CSMD1: variants seen among roughly 807,000 people sequenced by gnomAD.
CSMD1 encodes the protein CUB and sushi domain-containing protein 1.
In CSMD1, 213 loss-of-function variants were observed where a neutral mutation model predicts 417.5. The ratio of observed to expected loss-of-function variants is 0.51; its 90% CI spans 0.46 to 0.57. CSMD1 has a LOEUF of 0.57. Ranked by LOEUF, CSMD1 falls within the 20% of genes least tolerant of loss-of-function variation. CSMD1 has a pLI of 0.00. For missense variants in CSMD1, 6,923 were observed against 4,529.7 expected (o/e 1.53, Z -15.17); for synonymous variants, 2,862 against 1,736.8 (o/e 1.65, Z -16.11).
At chr8:3,722,824 G>A (rs1293991644) in intron 6 of CSMD1, among the ~76,000 whole-genome samples, 2 of 152,164 alleles carry the variant, frequency 1.3e-5, no homozygotes, top group African/African-American at 2.4e-5. Flanking sequence ...TGGTCTTGAG[G>A]AAAAATATGT....
chr8:4,497,821 G>A (rs1217543), intron 2 of CSMD1, among the ~76,000 whole-genome samples: 116,469 of 152,120 alleles, frequency 0.77, 44,674 homozygotes, highest in East Asian at 0.85. Context: ...CAGCTGTCCA[G>A]AATCAACGGT....
chr8:4,121,346 C>T (rs1164147980), intron 3 of CSMD1, among the ~76,000 whole-genome samples: 3 of 152,066 alleles, frequency 2.0e-5, no homozygotes, highest in Non-Finnish European at 4.4e-5. Context: ...AACTCCTGAC[C>T]TCAGATGATC....
At chr8:4,340,119 A>C (rs1212340171) in intron 3 of CSMD1, among the ~76,000 whole-genome samples, 1 of 151,964 alleles carries the variant, frequency 6.6e-6, no homozygotes, top group Non-Finnish European at 1.5e-5. Context: ...AGTTTTGTTA[A>C]TCTCTCCTCT....
chr8:4,940,160 G>A (rs761515163), intron 1 of CSMD1, among the ~76,000 whole-genome samples: 1 of 152,072 alleles, frequency 6.6e-6, no homozygotes, highest in Non-Finnish European at 1.5e-5. Flanking sequence ...GGGGAGTGTG[G>A]GAAGCAAGAT....
rs1047316590 is a variant in CSMD1, at chr8:3,669,728, G to C, written c.1009+38686C>G. On this transcript the variant is annotated intron_variant, in intron 7 of 69. Transcript: ENST00000635120. Reference sequence around the variant, plus strand: ...AACTGGGTACAAAGAGGAAGGCCAGGAGGACAGGGGCCCTGACCTGGCTAA... The same window carrying C: ...AACTGGGTACAAAGAGGAAGGCCAGCAGGACAGGGGCCCTGACCTGGCTAA... Among the ~76,000 whole-genome samples, 4 of 152,038 alleles carry C rather than the reference G, an allele frequency of 2.6e-5. No individual in the cohort carries two copies. In the South Asian group the frequency reaches 8.3e-4, roughly 32 times the overall value.
chr8:4,201,740 T>C (rs184429986), intron 3 of CSMD1, among the ~76,000 whole-genome samples: 3 of 152,040 alleles, frequency 2.0e-5, no homozygotes, highest in African/African-American at 7.2e-5. Context: ...AACATGATGA[T>C]TGGATACATG....
intron 41 of CSMD1, among the ~76,000 whole-genome samples, chr8:3,140,339 CTCTCTCTCTG>C (rs1315412245): frequency 2.4e-5 from 3 of 124,800 alleles, no homozygotes; most frequent in Admixed American, 2.4e-4. Context: ...CTCTCTCTCT[CTCTCTCTCTG>C]TCTCTCTCTC....
intron 41 of CSMD1, among the ~76,000 whole-genome samples, chr8:3,130,334 T>A (rs1817727882): frequency 6.6e-6 from 1 of 152,044 alleles, no homozygotes; most frequent in African/African-American, 2.4e-5. Context: ...TTGTACGTCG[T>A]GCATACAGCC....
intron 36 of CSMD1, chr8:3,183,253 C>T (rs1048601986): frequency 9.0e-6 from 1 of 111,342 alleles, no homozygotes; most frequent in East Asian, 2.4e-4. Flanking sequence ...GGCATCCATC[C>T]ACGTCACAAA....
chr8:3,687,955 T>C (rs1372622623), intron 7 of CSMD1, among the ~76,000 whole-genome samples: 1 of 152,222 alleles, frequency 6.6e-6, no homozygotes, highest in Non-Finnish European at 1.5e-5. Context: ...CTTTGTTTCC[T>C]TTTCCATCAT....
chr8:3,590,575 T>G (rs1024771674), intron 8 of CSMD1, among the ~76,000 whole-genome samples: 6 of 152,180 alleles, frequency 3.9e-5, no homozygotes, highest in Non-Finnish European at 8.8e-5. Flanking sequence ...GAGTACAGTA[T>G]AGAACACATT....
chr8:4,358,368 A>T (rs1801554035), intron 3 of CSMD1, among the ~76,000 whole-genome samples: 1 of 152,150 alleles, frequency 6.6e-6, no homozygotes, highest in African/African-American at 2.4e-5. Context: ...ACACTTTTTA[A>T]TGGTTGAAAA....
chr8:4,753,784 C>T (rs574497598), intron 1 of CSMD1, among the ~76,000 whole-genome samples: 3 of 152,314 alleles, frequency 2.0e-5, no homozygotes, highest in African/African-American at 7.2e-5. Flanking sequence ...TTCCTCCCCA[C>T]CACTGCCTCC....
At chr8:4,975,527 T>C (rs530541549) in intron 1 of CSMD1, among the ~76,000 whole-genome samples, 2 of 152,284 alleles carry the variant, frequency 1.3e-5, no homozygotes, top group South Asian at 4.1e-4. Flanking sequence ...CACTTATTTT[T>C]CAGATGAAGG....
At chr8:4,560,766 G>T (rs192334950) in intron 2 of CSMD1, among the ~76,000 whole-genome samples, 13 of 152,300 alleles carry the variant, frequency 8.5e-5, no homozygotes, top group Non-Finnish European at 1.6e-4. Flanking sequence ...ATTCTTCAGA[G>T]TGCTGCACCT....
chr8:2,973,155 A>G lies in CSMD1; in HGVS notation c.8885T>C (p.Leu2962Pro), dbSNP rs147186993. ...CTGCAGTCCTGACCATGACCCATTG[A>G]GCAAACACGTGCGTTCAGGGGAGCC... is the stretch of plus-strand genomic sequence containing the variant. ...LRGSPERTCL[L>P]NGSWSGLQPV... The change falls in exon 57 of 70, where the codon CTC becomes CCC. Residue 2962 changes from leucine (L) to proline (P), a missense_variant. By Grantham distance (98) the Leu-to-Pro change is moderately conservative (BLOSUM62 -3). Coordinates refer to ENST00000635120, the MANE Select transcript of CSMD1 (RefSeq NM_033225.6). 881 of 1,613,750 alleles carry G rather than the reference A, an allele frequency of 5.5e-4. 14 individuals are homozygous for G. The East Asian group carries it at 0.018, about 33-fold the overall frequency.
intron 5 of CSMD1, among the ~76,000 whole-genome samples, chr8:3,950,794 T>C (rs1019997805): frequency 3.3e-5 from 5 of 152,162 alleles, no homozygotes; most frequent in African/African-American, 7.2e-5. Context: ...TATAAACATA[T>C]TCTTCGGTCA....
At chr8:3,413,256 C>A (rs1424820493) in intron 12 of CSMD1, among the ~76,000 whole-genome samples, 1 of 149,462 alleles carries the variant, frequency 6.7e-6, no homozygotes, top group Non-Finnish European at 1.5e-5. Context: ...TAAATTATGG[C>A]ATTTTGGGGA....
chr8:3,927,742 C>A (rs1435454282), intron 5 of CSMD1, among the ~76,000 whole-genome samples: 2 of 152,010 alleles, frequency 1.3e-5, no homozygotes, highest in African/African-American at 4.8e-5. Flanking sequence ...AAAGAAGATG[C>A]TAATTTGATT....
Sources: allele counts gnomAD v4.1 joint callset (sites outside exome capture counted in the v4.1 genomes callset), GRCh38; gene constraint gnomAD v4.1.1; transcripts MANE v1.5; gene names NCBI Gene and HGNC (gene_info 2026-07-23, HGNC 2026-07-21).